ENTREP2: variants seen among roughly 807,000 people sequenced by gnomAD.
ENTREP2 encodes protein ENTREP2.
chr15:29,561,862 T>G, the ENTREP2 span, among the ~76,000 whole-genome samples: 47 of 152,166 alleles, frequency 3.1e-4, no homozygotes, highest in Non-Finnish European at 5.9e-4. Flanking sequence ...TGGCATAATC[T>G]GAGACTTCCT....
the ENTREP2 span, among the ~76,000 whole-genome samples, chr15:29,558,499 T>C: frequency 6.6e-6 from 1 of 151,100 alleles, no homozygotes; most frequent in Non-Finnish European, 1.5e-5. Context: ...CGGTCACCCA[T>C]CTTCTGCACA....
the ENTREP2 span, among the ~76,000 whole-genome samples, chr15:29,270,438 A>G: frequency 6.6e-6 from 1 of 152,230 alleles, no homozygotes; most frequent in Non-Finnish European, 1.5e-5. Context: ...ACGTGTCAGT[A>G]TTAGGTAAAT....
At chr15:29,637,750 G>A in the ENTREP2 span, among the ~76,000 whole-genome samples, 2 of 152,180 alleles carry the variant, frequency 1.3e-5, no homozygotes, top group African/African-American at 4.8e-5. Flanking sequence ...TTACGGGAAC[G>A]AGACCTTGCC....
At chr15:29,547,529 G>T in the ENTREP2 span, among the ~76,000 whole-genome samples, 1 of 152,040 alleles carries the variant, frequency 6.6e-6, no homozygotes, top group South Asian at 2.1e-4. Context: ...CCACAACAAG[G>T]TATCACCTCA....
At chr15:29,564,743 G>C in the ENTREP2 span, among the ~76,000 whole-genome samples, 1 of 152,306 alleles carries the variant, frequency 6.6e-6, no homozygotes, top group African/African-American at 2.4e-5. Context: ...ACTCCCCTGA[G>C]GCCACTGCGG....
chr15:29,648,329 A>G, the ENTREP2 span, among the ~76,000 whole-genome samples: 1 of 152,192 alleles, frequency 6.6e-6, no homozygotes, highest in Non-Finnish European at 1.5e-5. Flanking sequence ...TCGCACCATT[A>G]ACTCCATGGG....
chr15:29,508,740 T>C, the ENTREP2 span, among the ~76,000 whole-genome samples: 1 of 152,178 alleles, frequency 6.6e-6, no homozygotes, highest in Non-Finnish European at 1.5e-5. Flanking sequence ...TAGGTATTGA[T>C]GGAACATATC....
chr15:29,214,367 G>T, the ENTREP2 span, among the ~76,000 whole-genome samples: 9 of 152,080 alleles, frequency 5.9e-5, no homozygotes, highest in Admixed American at 4.6e-4. Context: ...CCATAAAAAA[G>T]GATGAATTCA....
the ENTREP2 span, among the ~76,000 whole-genome samples, chr15:29,466,571 C>G: frequency 3.4e-5 from 5 of 146,060 alleles, no homozygotes; most frequent in African/African-American, 5.1e-5. Flanking sequence ...GCTGCAGCCC[C>G]CAGGGGAGAG....
the ENTREP2 span, among the ~76,000 whole-genome samples, chr15:29,468,709 A>G: frequency 2.0e-5 from 3 of 152,032 alleles, no homozygotes; most frequent in South Asian, 2.1e-4. Context: ...TTGCTTTTCA[A>G]TTATTAATTT....
chr15:29,655,386 G>A, the ENTREP2 span, among the ~76,000 whole-genome samples: 1 of 152,128 alleles, frequency 6.6e-6, no homozygotes, highest in Admixed American at 6.6e-5. Flanking sequence ...TATTGACTCA[G>A]CTCCCCACAC....
chr15:29,415,797 CAA>C, the ENTREP2 span, among the ~76,000 whole-genome samples: 2 of 152,170 alleles, frequency 1.3e-5, no homozygotes, highest in African/African-American at 4.8e-5. Context: ...GCAACTTCAG[CAA>C]AGTCTCAGGA....
chr15:29,395,593 T>A, the ENTREP2 span, among the ~76,000 whole-genome samples: 5 of 151,492 alleles, frequency 3.3e-5, no homozygotes, highest in Non-Finnish European at 7.4e-5. Context: ...AGTGACGTGA[T>A]CACAGCTCAC....
chr15:29,541,233 A>T, the ENTREP2 span, among the ~76,000 whole-genome samples: 1 of 152,140 alleles, frequency 6.6e-6, no homozygotes, highest in Non-Finnish European at 1.5e-5. Context: ...GGACCCAACA[A>T]CTGACCCGGA....
chr15:29,412,336 G>A, the ENTREP2 span, among the ~76,000 whole-genome samples: 5 of 151,646 alleles, frequency 3.3e-5, no homozygotes, highest in South Asian at 2.1e-4. Flanking sequence ...TTGTGCTATT[G>A]TAAATAATGT....
chr15:29,187,182 T>G, the ENTREP2 span, among the ~76,000 whole-genome samples: 1 of 152,218 alleles, frequency 6.6e-6, no homozygotes, highest in Non-Finnish European at 1.5e-5. Context: ...GAGGGAAGGA[T>G]TGAAAAAATT....
the ENTREP2 span, chr15:29,124,781 C>T: frequency 6.5e-7 from 1 of 1,545,514 alleles, no homozygotes; most frequent in Non-Finnish European, 8.8e-7. Context: ...AAGGAGAATT[C>T]AGTGAACACA....
At chr15:29,225,414 A>G in the ENTREP2 span, among the ~76,000 whole-genome samples, 1 of 152,258 alleles carries the variant, frequency 6.6e-6, no homozygotes, top group Non-Finnish European at 1.5e-5. Flanking sequence ...ACCCGAGTCC[A>G]TATAGCTGTG....
chr15:29,280,994 A>G, the ENTREP2 span, among the ~76,000 whole-genome samples: 4 of 152,202 alleles, frequency 2.6e-5, no homozygotes, highest in Admixed American at 6.5e-5. Context: ...TGTACCCGTG[A>G]AATTTTCTTG....
Sources: gnomAD v4.1 joint callset for allele counts (sites outside exome capture counted in the v4.1 genomes callset) on GRCh38, gnomAD v4.1.1 for gene constraint, MANE v1.5 for transcripts, NCBI Gene and HGNC (gene_info 2026-07-23, HGNC 2026-07-21) for gene names.